The following MACROH2A2 variants were observed in gnomAD, a reference collection of about 807,000 sequenced individuals.
MACROH2A2 encodes the protein core histone macro-H2A.2.
MACROH2A2 carries 6 observed loss-of-function variants against 37.6 expected under a neutral mutation model. That is an observed-to-expected ratio of 0.16 (90% CI 0.09 to 0.32). The LOEUF (loss-of-function observed/expected upper bound fraction) is 0.32. Among genes scored for constraint, MACROH2A2 ranks in the 10% least tolerant of loss-of-function variants. MACROH2A2 has a pLI of 1.00. For missense variants in MACROH2A2, 290 were observed against 485.9 expected (o/e 0.60, Z 3.79); for synonymous variants, 192 against 202.7 (o/e 0.95, Z 0.45).
At chr10:70,082,683 A>T (rs1344255926) in intron 2 of MACROH2A2, among the ~76,000 whole-genome samples, 1 of 152,232 alleles carries the variant, frequency 6.6e-6, no homozygotes, top group Non-Finnish European at 1.5e-5. Context: ...CATGTGAAGG[A>T]TGGCAGACAC....
At chr10:70,083,637 A>C (rs1257447913) in intron 2 of MACROH2A2, among the ~76,000 whole-genome samples, 1 of 151,926 alleles carries the variant, frequency 6.6e-6, no homozygotes. Context: ...GAGAGACAGC[A>C]GCCTGCCTCA....
At chr10:70,057,624 C>T (rs981112385) in intron 1 of MACROH2A2, among the ~76,000 whole-genome samples, 2 of 152,132 alleles carry the variant, frequency 1.3e-5, no homozygotes, top group African/African-American at 4.8e-5. Context: ...CCCCTTTACA[C>T]ACATACAACC....
intron 2 of MACROH2A2, among the ~76,000 whole-genome samples, chr10:70,084,705 A>G (rs189427282): frequency 6.6e-6 from 1 of 152,110 alleles, no homozygotes; most frequent in East Asian, 1.9e-4. Context: ...GAGCTCAAGC[A>G]ATCCTCCTGC....
At chr10:70,067,183 A>G (rs1799453945) in intron 1 of MACROH2A2, among the ~76,000 whole-genome samples, 2 of 152,244 alleles carry the variant, frequency 1.3e-5, no homozygotes, top group South Asian at 4.1e-4. Context: ...AGAGGCTTGT[A>G]GGAGCCTAAC....
At chr10:70,098,818 G>C (rs963309418) in intron 6 of MACROH2A2, 10 of 152,322 alleles carry the variant, frequency 6.6e-5, no homozygotes, top group African/African-American at 2.2e-4. Flanking sequence ...TCCGCCATTC[G>C]TTAGGAGTTG....
chr10:70,055,165 A>G (rs978293624), intron 1 of MACROH2A2, among the ~76,000 whole-genome samples: 2 of 152,332 alleles, frequency 1.3e-5, no homozygotes, highest in South Asian at 4.1e-4. Flanking sequence ...GCCTCCTGCC[A>G]GCAGAACAGG....
chr10:70,099,782 G>A (rs969559750), intron 6 of MACROH2A2, among the ~76,000 whole-genome samples: 2 of 152,028 alleles, frequency 1.3e-5, no homozygotes, highest in Admixed American at 6.6e-5. Flanking sequence ...CAACATGCCA[G>A]GCTGCCCTGG....
chr10:70,071,043 G>A lies in MACROH2A2; in HGVS notation c.-59-4557G>A, dbSNP rs546710765. On this transcript the variant is annotated intron_variant, in intron 1 of 8. Coordinates refer to ENST00000373255, the MANE Select transcript of MACROH2A2 (RefSeq NM_018649.3). ...CGCGTGCATGTATGCGTGTGCACGTGCATGCGTGTGTGGGCGCGCGTGTGC... is the reference window on the plus strand; with the variant it reads ...CGCGTGCATGTATGCGTGTGCACGTACATGCGTGTGTGGGCGCGCGTGTGC... 2.0e-5 allele frequency among the ~76,000 whole-genome samples: 3 copies of A among 151,728 alleles called. No individual in the cohort carries two copies. In the South Asian group the frequency reaches 6.3e-4, roughly 32 times the overall value.
intron 3 of MACROH2A2, 74 bp downstream of exon 3, chr10:70,090,240 T>A: frequency 1.1e-6 from 1 of 948,164 alleles, no homozygotes; most frequent in Non-Finnish European, 1.7e-6. Context: ...TGGCTGGCCA[T>A]GAGTCACTCC....
intron 1 of MACROH2A2, among the ~76,000 whole-genome samples, chr10:70,068,592 A>T (rs989649309): frequency 3.9e-5 from 6 of 152,040 alleles, no homozygotes; most frequent in African/African-American, 1.5e-4. Flanking sequence ...TTCACCCAAC[A>T]CTCGCTTTTA....
At chr10:70,074,478 T>C (rs982120348) in intron 1 of MACROH2A2, among the ~76,000 whole-genome samples, 4 of 152,214 alleles carry the variant, frequency 2.6e-5, no homozygotes, top group African/African-American at 9.6e-5. Context: ...TTTAGAAAAG[T>C]GTCTAAAAAA....
chr10:70,105,470 T>C (rs1044196745), intron 7 of MACROH2A2, among the ~76,000 whole-genome samples: 6 of 151,932 alleles, frequency 3.9e-5, no homozygotes, highest in Non-Finnish European at 8.8e-5. Flanking sequence ...GCCAGACCCA[T>C]GTGTGCAGGG....
intron 2 of MACROH2A2, among the ~76,000 whole-genome samples, chr10:70,077,546 A>C (rs1312513465): frequency 6.6e-6 from 1 of 150,416 alleles, no homozygotes; most frequent in Non-Finnish European, 1.5e-5. Context: ...ACACCACTGC[A>C]CTCCAGCCTA....
intron 1 of MACROH2A2, among the ~76,000 whole-genome samples, chr10:70,071,908 C>A (rs2072113261): frequency 6.6e-6 from 1 of 152,160 alleles, no homozygotes; most frequent in Non-Finnish European, 1.5e-5. Flanking sequence ...AATGTGAAGG[C>A]CCGGGACATT....
chr10:70,081,519 G>A (rs1213432922), intron 2 of MACROH2A2, among the ~76,000 whole-genome samples: 1 of 152,098 alleles, frequency 6.6e-6, no homozygotes, highest in African/African-American at 2.4e-5. Flanking sequence ...GGAAAGATGT[G>A]AGCGTGTGAC....
chr10:70,054,385 G>A (rs1032432819), intron 1 of MACROH2A2, among the ~76,000 whole-genome samples: 1 of 152,192 alleles, frequency 6.6e-6, no homozygotes. Context: ...TGTCCTTCCA[G>A]CTTCTGTCCA....
In MACROH2A2 at chr10:70,075,899, G is replaced by T; in HGVS notation, c.172+69G>T. ...ACCCTCCCCTGGGTCCCCCTCGCAG[G>T]CTGGGGAGGGATGCTCCAAATTGCC... On this transcript the variant is annotated intron_variant, in intron 2 of 8. Transcript: ENST00000373255. This position sits in a 1 kb window ranked among gnomAD's most constrained non-coding sequence, Gnocchi z 5.0. 7.4e-7 allele frequency: 1 copy of T among 1,344,670 alleles called. No homozygotes were observed. Among genetic ancestry groups the T allele is most frequent in the Non-Finnish European group, 1.0e-6 (1 of 961,956 alleles). 83.3% of individuals were successfully genotyped at this position (1,344,670 alleles called of 1,614,324 possible). A position where few individuals can be genotyped will look rare whatever the true frequency, so the allele number is the denominator to read the frequency against.
chr10:70,080,027 C>T (rs1184204170), intron 2 of MACROH2A2, among the ~76,000 whole-genome samples: 1 of 152,172 alleles, frequency 6.6e-6, no homozygotes, highest in Non-Finnish European at 1.5e-5. Flanking sequence ...CGCCTGTAAT[C>T]CCAACACTTT....
chr10:70,083,218 G>A (rs1390983690), intron 2 of MACROH2A2, among the ~76,000 whole-genome samples: 1 of 152,194 alleles, frequency 6.6e-6, no homozygotes, highest in Non-Finnish European at 1.5e-5. Context: ...AACAAGGGCT[G>A]CTGGGGACTG....
Sources: allele counts gnomAD v4.1 joint callset (sites outside exome capture counted in the v4.1 genomes callset), GRCh38; gene constraint gnomAD v4.1.1; non-coding constraint Gnocchi (gnomAD v3.1); transcripts MANE v1.5; gene names NCBI Gene and HGNC (gene_info 2026-07-23, HGNC 2026-07-21).